Variants in SH3BGR observed in about 807,000 individuals in gnomAD.
SH3BGR encodes the protein SH3 domain-binding glutamic acid-rich protein.
A neutral mutation model predicts 24.5 loss-of-function variants in SH3BGR; 29 were observed. The ratio of observed to expected loss-of-function variants is 1.18; its 90% CI spans 0.88 to 1.61. The LOEUF (loss-of-function observed/expected upper bound fraction) is 1.61. Among genes scored for constraint, SH3BGR ranks in the 40% most tolerant of loss-of-function variants. SH3BGR has a pLI of 0.00. For synonymous variants in SH3BGR, 55 were observed against 65.7 expected (o/e 0.84, Z 0.79); for missense variants, 162 against 205.8 (o/e 0.79, Z 1.30).
At chr21:39,462,962 C>T (rs1267721447) in intron 2 of SH3BGR, among the ~76,000 whole-genome samples, 1 of 152,202 alleles carries the variant, frequency 6.6e-6, no homozygotes, top group East Asian at 1.9e-4. Flanking sequence ...TGGCTCACTG[C>T]AGCCTCTTTC....
At position 39,504,098 on chromosome 21, in the gene SH3BGR, G is replaced by T. The variant is rs114363238; in HGVS notation, c.405+4183G>T. Among the ~76,000 whole-genome samples the T allele has an allele frequency of 5.6e-3, 860 of 152,308 alleles. 10 individuals are homozygous for T. The highest frequency in any genetic ancestry group is 0.02 in the African/African-American group (822 of 41,564). On this transcript the variant is annotated intron_variant, in intron 4 of 6. Coordinates refer to ENST00000333634, the MANE Select transcript of SH3BGR (RefSeq NM_007341.3). ...TGTGCAGGTTTGGTTTGTGTTTTTT[G>T]ATCAAGGTACAATTATTTAAAATTG...
rs1426691930 is a variant in SH3BGR at position 39,499,587 on chromosome 21, A to G, written c.313-236A>G. Among the ~76,000 whole-genome samples the G allele has an allele frequency of 2.0e-5, 3 of 152,200 alleles. No homozygotes were observed. The East Asian group carries it at 5.8e-4, about 29-fold the overall frequency. On this transcript the variant is annotated intron_variant, in intron 3 of 6. Coordinates refer to ENST00000333634, the MANE Select transcript of SH3BGR (RefSeq NM_007341.3). The stretch of plus-strand genomic sequence containing the variant: ...GTGGGTGAACTGAAACTCCTCACTT[A>G]GGCAGTTTGTTACCCTGCAATGCAC...
At position 39,496,462 on chromosome 21, in the gene SH3BGR, C is replaced by T. The variant is rs548274452; in HGVS notation, c.313-3361C>T. On this transcript the variant is annotated intron_variant, in intron 3 of 6. Transcript: ENST00000333634. ...TTGCAGTGAGCCGAGATTGCGCCAC[C>T]GCAGTCCGCAGTCCGGCCTGGGCGA... Among the ~76,000 whole-genome samples the T allele has an allele frequency of 3.6e-3, 535 of 149,040 alleles. 2 individuals are homozygous for T. Among genetic ancestry groups the T allele is most frequent in the Admixed American group, 8.8e-3 (131 of 14,966 alleles).
At chr21:39,450,252 A>G (rs2077558052), upstream of SH3BGR, among the ~76,000 whole-genome samples, 1 of 152,240 alleles carries the variant, frequency 6.6e-6, no homozygotes, top group Non-Finnish European at 1.5e-5. Context: ...AAAATTTATA[A>G]TTCTACTGAC....
At chr21:39,506,309 G>A (rs559634876) in intron 4 of SH3BGR, among the ~76,000 whole-genome samples, 13 of 152,328 alleles carry the variant, frequency 8.5e-5, no homozygotes, top group Non-Finnish European at 5.9e-5. Context: ...AGCATATCCT[G>A]GAAGGTGTGG....
Position 39,511,365 on chromosome 21 carries a change from TTGTG to T in SH3BGR, c.436-310_436-307del, listed in dbSNP as rs557339319. Among the ~76,000 whole-genome samples the T allele has an allele frequency of 4.0e-5, 6 of 149,376 alleles. No individual in the cohort carries two copies. The highest frequency in any genetic ancestry group is 2.1e-4 in the South Asian group (1 of 4,692). The stretch of plus-strand genomic sequence containing the variant: ...GTGTGTGCTATGTGGTGTTTGGTAT[TTGTG>T]TGTGGTGTGTATGTGGTGTGTGTGC... On this transcript the variant is annotated intron_variant, in intron 5 of 6. Coordinates refer to ENST00000333634, the MANE Select transcript of SH3BGR (RefSeq NM_007341.3). This position sits in a 1 kb window ranked among gnomAD's most constrained non-coding sequence, Gnocchi z 4.2.
At chr21:39,448,906 C>T (rs539245224), upstream of SH3BGR, among the ~76,000 whole-genome samples, 9 of 142,426 alleles carry the variant, frequency 6.3e-5, no homozygotes, top group Admixed American at 1.5e-4. Context: ...CACCCCCAAA[C>T]GCCTTGCAGA....
rs955317927 is a variant in SH3BGR, at chr21:39,511,458, G to T, written c.436-222G>T. ...TGCTGTGTGTCATGTGTGTTTCCGT[G>T]GTGTGTGTGTGTTTGGGCGGTATGT... On this transcript the variant is annotated intron_variant, in intron 5 of 6. Transcript: ENST00000333634. The surrounding 1 kb of genome is among the most constrained non-coding windows in gnomAD (Gnocchi z 4.2). 6.8e-6 allele frequency among the ~76,000 whole-genome samples: 1 copy of T among 146,664 alleles called. No homozygotes were observed. Among genetic ancestry groups the T allele is most frequent in the African/African-American group, 2.5e-5 (1 of 39,634 alleles).
In SH3BGR at chr21:39,452,213, T is replaced by C. The variant is rs550189939; in HGVS notation, c.45+72T>C. 2.7e-4 allele frequency: 427 copies of C among 1,590,974 alleles called. 2 individuals are homozygous for C. The highest frequency in any genetic ancestry group is 2.5e-3 in the Middle Eastern group (15 of 6,018). On this transcript the variant is annotated intron_variant, in intron 1 of 6. Transcript: ENST00000333634. ...CTTAGGGTTGGAAATATGGCCAACG[T>C]TGGCCTTCAGTTTCTTTTTTGCGTG...
At chr21:39,471,274 A>G (rs186696597) in intron 2 of SH3BGR, among the ~76,000 whole-genome samples, 60 of 152,228 alleles carry the variant, frequency 3.9e-4, no homozygotes, top group Admixed American at 3.7e-3. Flanking sequence ...TTATCTTTCA[A>G]TAAGTCTAGA....
intron 1 of SH3BGR, among the ~76,000 whole-genome samples, chr21:39,453,020 G>A (rs960195738): frequency 4.6e-5 from 7 of 152,146 alleles, no homozygotes; most frequent in African/African-American, 9.7e-5. Flanking sequence ...CCAGCAAGGC[G>A]GCTGTTCCTT....
chr21:39,462,935 G>A (rs1028665607), intron 2 of SH3BGR, among the ~76,000 whole-genome samples: 3 of 152,224 alleles, frequency 2.0e-5, no homozygotes, highest in African/African-American at 7.2e-5. Context: ...CCAGGCTGGA[G>A]TGTAGTGGTG....
intron 3 of SH3BGR, among the ~76,000 whole-genome samples, chr21:39,490,098 CTG>C (rs1233440777): frequency 1.3e-5 from 2 of 152,140 alleles, no homozygotes; most frequent in Non-Finnish European, 2.9e-5. Flanking sequence ...TATTGTGTAA[CTG>C]TGAATGTTAA....
At chr21:39,454,888 A>G (rs2077630543) in intron 1 of SH3BGR, among the ~76,000 whole-genome samples, 1 of 152,194 alleles carries the variant, frequency 6.6e-6, no homozygotes, top group African/African-American at 2.4e-5. Context: ...TTTTCAGCCT[A>G]AGGTACAAAA....
chr21:39,475,671 G>C (rs1232859651), intron 3 of SH3BGR, among the ~76,000 whole-genome samples: 1 of 152,152 alleles, frequency 6.6e-6, no homozygotes, highest in East Asian at 1.9e-4. Context: ...AATGGGACAG[G>C]TAAGATCTCG....
At chr21:39,473,843 C>G (rs2077982396) in intron 2 of SH3BGR, among the ~76,000 whole-genome samples, 1 of 150,874 alleles carries the variant, frequency 6.6e-6, no homozygotes. Context: ...CGAGATTGCA[C>G]CACTGTACTC....
chr21:39,503,840 C>T (rs888824751), intron 4 of SH3BGR, among the ~76,000 whole-genome samples: 3 of 152,120 alleles, frequency 2.0e-5, no homozygotes, highest in African/African-American at 4.8e-5. Context: ...GGGTGAACAC[C>T]GAAAAGACCA....
chr21:39,450,562 A>G (rs2837036), upstream of SH3BGR, among the ~76,000 whole-genome samples: 28,669 of 152,052 alleles, frequency 0.19, 2,864 homozygotes, highest in Middle Eastern at 0.27. Flanking sequence ...GTGCCACCCA[A>G]TCCATGATGG....
rs185290307 is a variant in SH3BGR, at chr21:39,502,688, G to A, written c.405+2773G>A. Among the ~76,000 whole-genome samples the A allele has an allele frequency of 1.5e-3, 234 of 152,336 alleles. 1 individual carries two copies. Among genetic ancestry groups the A allele is most frequent in the Non-Finnish European group, 2.9e-3 (195 of 68,042 alleles). ...CTGAGGGTCTCACAGCCATCCTGGG[G>A]TCGTTAGTGGTGACTGGGCAGGGAT... On this transcript the variant is annotated intron_variant, in intron 4 of 6. Coordinates refer to ENST00000333634, the MANE Select transcript of SH3BGR (RefSeq NM_007341.3).
Sources: allele counts gnomAD v4.1 joint callset (sites outside exome capture counted in the v4.1 genomes callset), GRCh38; gene constraint gnomAD v4.1.1; non-coding constraint Gnocchi (gnomAD v3.1); transcripts MANE v1.5; gene names NCBI Gene and HGNC (gene_info 2026-07-23, HGNC 2026-07-21).